The following IMMP2L variants were observed in gnomAD, a reference collection of about 807,000 sequenced individuals.
The protein encoded by IMMP2L is inner mitochondrial membrane peptidase subunit 2.
A neutral mutation model predicts 19.3 loss-of-function variants in IMMP2L; 18 were observed. That is an observed-to-expected ratio of 0.93 (90% CI 0.64 to 1.38). The LOEUF is 1.38. IMMP2L is among the 40% of genes most tolerant of loss of function. IMMP2L has a pLI of 0.00. For missense variants in IMMP2L, 233 were observed against 218.2 expected (o/e 1.07, Z -0.43); for synonymous variants, 76 against 73.0 (o/e 1.04, Z -0.21).
intron 5 of IMMP2L, among the ~76,000 whole-genome samples, chr7:110,795,960 C>T (rs570934623): frequency 1.3e-5 from 2 of 152,132 alleles, no homozygotes; most frequent in South Asian, 4.2e-4. Context: ...ATAATCTCCA[C>T]GTGTTGGGAG....
intron 3 of IMMP2L, among the ~76,000 whole-genome samples, chr7:111,453,922 A>C (rs1022470215): frequency 6.6e-6 from 1 of 152,198 alleles, no homozygotes; most frequent in Non-Finnish European, 1.5e-5. Context: ...AGTTTAGCCA[A>C]ATTAAATACC....
At chr7:110,926,860 T>C (rs897311992) in intron 4 of IMMP2L, among the ~76,000 whole-genome samples, 1 of 152,180 alleles carries the variant, frequency 6.6e-6, no homozygotes, top group Non-Finnish European at 1.5e-5. Flanking sequence ...AAAAAAGTTT[T>C]ATTTACTTGT....
At chr7:110,975,544 C>A (rs1453602523) in intron 3 of IMMP2L, among the ~76,000 whole-genome samples, 1 of 152,150 alleles carries the variant, frequency 6.6e-6, no homozygotes, top group African/African-American at 2.4e-5. Context: ...TTGGAGAATG[C>A]ATGCAGAATT....
intron 5 of IMMP2L, among the ~76,000 whole-genome samples, chr7:110,732,918 T>C (rs1053880443): frequency 6.6e-6 from 1 of 151,972 alleles, no homozygotes; most frequent in Non-Finnish European, 1.5e-5. Flanking sequence ...CCCAAACAGC[T>C]AGGACTATAG....
intron 5 of IMMP2L, among the ~76,000 whole-genome samples, chr7:110,789,235 C>T (rs1800297681): frequency 6.6e-6 from 1 of 151,770 alleles, no homozygotes; most frequent in Admixed American, 6.6e-5. Flanking sequence ...AGACAAGATG[C>T]CCCTGCTGTG....
intron 5 of IMMP2L, among the ~76,000 whole-genome samples, chr7:110,738,587 C>A (rs1796792609): frequency 6.6e-6 from 1 of 152,096 alleles, no homozygotes; most frequent in Non-Finnish European, 1.5e-5. Context: ...AACGTCCAAA[C>A]CTAAGAATAA....
At chr7:111,522,610 G>A (rs1013876703) in intron 1 of IMMP2L, among the ~76,000 whole-genome samples, 1 of 151,990 alleles carries the variant, frequency 6.6e-6, no homozygotes, top group Non-Finnish European at 1.5e-5. Flanking sequence ...TTCCACCCCA[G>A]TTAGAATGGC....
At chr7:110,815,929 A>C (rs1017426131) in intron 5 of IMMP2L, among the ~76,000 whole-genome samples, 2 of 151,908 alleles carry the variant, frequency 1.3e-5, no homozygotes, top group African/African-American at 4.8e-5. Context: ...TCCTGCATTA[A>C]TTAATTTTTG....
At chr7:111,181,330 A>C (rs545565143) in intron 3 of IMMP2L, among the ~76,000 whole-genome samples, 1 of 152,126 alleles carries the variant, frequency 6.6e-6, no homozygotes, top group Non-Finnish European at 1.5e-5. Flanking sequence ...CTAATGAATA[A>C]TCCTATATCT....
At chr7:111,179,552 GA>G (rs1562892587) in intron 3 of IMMP2L, among the ~76,000 whole-genome samples, 1 of 151,942 alleles carries the variant, frequency 6.6e-6, no homozygotes, top group Non-Finnish European at 1.5e-5. Context: ...AGAACAAGTA[GA>G]ACAGATTTAG....
intron 3 of IMMP2L, among the ~76,000 whole-genome samples, chr7:111,047,826 A>G (rs1358636040): frequency 2.0e-5 from 3 of 152,216 alleles, no homozygotes; most frequent in African/African-American, 7.2e-5. Flanking sequence ...GACAGCCACC[A>G]AAACAAGATA....
rs571491287 is a variant in IMMP2L, at chr7:110,777,395, C to T, written c.408+109198G>A. Among the ~76,000 whole-genome samples, 13 of 151,976 alleles carry T rather than the reference C, an allele frequency of 8.6e-5. No homozygotes were observed. The South Asian group carries it at 1.0e-3, about 12-fold the overall frequency. ...TATTAATAAGCAAGATGTAGTCATC[C>T]GGGACAATTTGAAAGCAAACCTGCT... On this transcript the variant is annotated intron_variant, in intron 5 of 5. Transcript: ENST00000405709.
chr7:111,011,141 A>T (rs1389035201), intron 3 of IMMP2L, among the ~76,000 whole-genome samples: 1 of 152,102 alleles, frequency 6.6e-6, no homozygotes, highest in Non-Finnish European at 1.5e-5. Context: ...TATGGAAAGA[A>T]AAAAAGTACC....
At chr7:110,909,904 GAGAA>G (rs1327639574) in intron 4 of IMMP2L, among the ~76,000 whole-genome samples, 3 of 149,918 alleles carry the variant, frequency 2.0e-5, no homozygotes, top group Non-Finnish European at 2.9e-5. Flanking sequence ...GAGAGAGAGA[GAGAA>G]AGAGAGAGAG....
chr7:111,116,234 T>G (rs1203137400), intron 3 of IMMP2L, among the ~76,000 whole-genome samples: 2 of 152,192 alleles, frequency 1.3e-5, no homozygotes, highest in Admixed American at 6.5e-5. Flanking sequence ...GATTTGTTTA[T>G]GATCTGCATT....
intron 4 of IMMP2L, among the ~76,000 whole-genome samples, chr7:110,921,600 G>A (rs1476846762): frequency 6.6e-6 from 1 of 152,104 alleles, no homozygotes; most frequent in Non-Finnish European, 1.5e-5. Flanking sequence ...ACCAGGCCAA[G>A]GAGAGAAATG....
At chr7:111,254,997 A>C (rs1415862273) in intron 3 of IMMP2L, among the ~76,000 whole-genome samples, 1 of 152,132 alleles carries the variant, frequency 6.6e-6, no homozygotes, top group Admixed American at 6.6e-5. Flanking sequence ...ACGATCCTAT[A>C]ACCAAATATA....
At chr7:110,756,828 A>G (rs1030876347) in intron 5 of IMMP2L, among the ~76,000 whole-genome samples, 2 of 152,232 alleles carry the variant, frequency 1.3e-5, no homozygotes, top group African/African-American at 4.8e-5. Context: ...GCTTGCACTT[A>G]GCTTTCAGTT....
chr7:111,070,125 T>C (rs1274953780), intron 3 of IMMP2L, among the ~76,000 whole-genome samples: 3 of 152,042 alleles, frequency 2.0e-5, no homozygotes, highest in South Asian at 2.1e-4. Flanking sequence ...TAGATGTAAA[T>C]TGATAGTGAA....
Sources: gnomAD v4.1 joint callset for allele counts (sites outside exome capture counted in the v4.1 genomes callset) on GRCh38, gnomAD v4.1.1 for gene constraint, MANE v1.5 for transcripts, NCBI Gene and HGNC (gene_info 2026-07-23, HGNC 2026-07-21) for gene names.